KNOP1: variants seen among roughly 807,000 people sequenced by gnomAD.
KNOP1 encodes lysine rich nucleolar protein 1, also known as lysine-rich nucleolar protein 1.
KNOP1 carries 20 observed loss-of-function variants against 30.6 expected under a neutral mutation model. The ratio of observed to expected loss-of-function variants is 0.65; its 90% confidence interval spans 0.46 to 0.95. The LOEUF (loss-of-function observed/expected upper bound fraction) is 0.95, where lower values mean the gene tolerates loss of function less well. KNOP1 is among the 40% of genes least tolerant of loss of function. KNOP1 has a pLI of 0.00. For synonymous variants in KNOP1, 204 were observed against 210.0 expected (o/e 0.97, Z 0.25); for missense variants, 540 against 562.0 (o/e 0.96, Z 0.40).
At chr16:19,713,980 G>A in intron 2 of KNOP1, 138 bp downstream of exon 2, 1 of 793,828 alleles carries the variant, frequency 1.3e-6, no homozygotes, top group Non-Finnish European at 2.0e-6. Flanking sequence ...TATTCTGGCT[G>A]AAATTAATTT....
At chr16:19,708,734 C>T (rs564697968) in intron 4 of KNOP1, among the ~76,000 whole-genome samples, 8 of 152,314 alleles carry the variant, frequency 5.3e-5, no homozygotes, top group African/African-American at 1.7e-4. Flanking sequence ...CTGAGTGAAC[C>T]GGTGACACAT....
At chr16:19,711,132 G>A (rs750507754) in intron 3 of KNOP1, among the ~76,000 whole-genome samples, 2 of 152,278 alleles carry the variant, frequency 1.3e-5, no homozygotes, top group Non-Finnish European at 2.9e-5. Flanking sequence ...GCAAGTAACA[G>A]GGAATGGCCA....
At chr16:19,713,529 C>T (rs1012657577) in intron 2 of KNOP1, among the ~76,000 whole-genome samples, 1 of 152,110 alleles carries the variant, frequency 6.6e-6, no homozygotes, top group Admixed American at 6.6e-5. Context: ...GGGATGAAAG[C>T]CTAGAGCTGC....
chr16:19,704,801 C>T lies in KNOP1; in HGVS notation c.*2109G>A, dbSNP rs569705325. The T allele has an allele frequency of 2.3e-5, 4 of 171,030 alleles. No individual in the cohort carries two copies. In the East Asian group the frequency reaches 6.9e-4, roughly 30 times the overall value. The allele number at this position is 171,030 out of a possible 1,614,324, so 10.6% of individuals were successfully genotyped here. ...AGGAAAGAAAGGCAGGACAAGTTCA[C>T]GTCCTGAGGGAAGTGGCCCAAGTAG... On this transcript the variant is annotated 3_prime_UTR_variant, in exon 5 of 5. Coordinates refer to ENST00000219837, the MANE Select transcript of KNOP1 (RefSeq NM_001012991.3).
At position 19,705,540 on chromosome 16, in the gene KNOP1, T is replaced by C. The variant is rs536643744; in HGVS notation, c.*1370A>G. On this transcript the variant is annotated 3_prime_UTR_variant, in exon 5 of 5. Transcript: ENST00000219837. ...ACGTTCATCTCCTCCTGGCATTCAA[T>C]ATCCACCTACAGAAGTCACCTGGGA... The C allele has an allele frequency of 3.6e-6, 1 of 280,168 alleles. No homozygotes were observed. Among genetic ancestry groups the C allele is most frequent in the Non-Finnish European group, 7.0e-6 (1 of 142,128 alleles). The allele number at this position is 280,168 out of a possible 1,614,324, so 17.4% of individuals were successfully genotyped here. A position where few individuals can be genotyped will look rare whatever the true frequency, so the allele number is the denominator to read the frequency against.
At chr16:19,707,545 TTCC>T (rs1008026472) in intron 4 of KNOP1, among the ~76,000 whole-genome samples, 1 of 151,638 alleles carries the variant, frequency 6.6e-6, no homozygotes, top group African/African-American at 2.4e-5. Context: ...CCTTTCTGCC[TTCC>T]TCCTCCTTTC....
At chr16:19,717,598 C>T (rs993901453) in intron 1 of KNOP1, 4 of 985,558 alleles carry the variant, frequency 4.1e-6, no homozygotes, top group Non-Finnish European at 4.8e-6. Context: ...GCCCTGCGAC[C>T]AAATGCATTC....
rs1016971 is a variant in KNOP1, at chr16:19,707,403, T to A, written c.1066-182A>T. ...CTAAAGACAGCCCTATGAGAAACAC[T>A]GTTGTTATTCCCATTGCACAGAGGA... On this transcript the variant is annotated intron_variant, in intron 4 of 4. Coordinates refer to ENST00000219837, the MANE Select transcript of KNOP1 (RefSeq NM_001012991.3). 0.2 allele frequency among the ~76,000 whole-genome samples: 30,281 copies of A among 151,870 alleles called. 3,321 individuals carry two copies. The highest frequency in any genetic ancestry group is 0.27 in the South Asian group (1,278 of 4,814).
intron 2 of KNOP1, among the ~76,000 whole-genome samples, chr16:19,712,304 G>A (rs1976761396): frequency 6.6e-6 from 1 of 152,256 alleles, no homozygotes; most frequent in East Asian, 1.9e-4. Context: ...GCTAACACCT[G>A]GAGGCCTTTG....
At chr16:19,714,038 TGCACA>T in intron 2 of KNOP1, 75 bp downstream of exon 2, 1 of 1,253,350 alleles carries the variant, frequency 8.0e-7, no homozygotes, top group Non-Finnish European at 1.1e-6. Flanking sequence ...TGTACAAACA[TGCACA>T]CACGCCTACA....
At position 19,711,434 on chromosome 16, in the gene KNOP1, C is replaced by G; in HGVS notation, c.925G>C (p.Asp309His). Residue 309 changes from aspartate to histidine, a missense_variant, in exon 3 of 5, where the codon GAC becomes CAC. Transcript: ENST00000219837. ...TCCAACACCACCTCTAAGTCCGTGT[C>G]TGTTTCCTGCAGGAGAGGGCAGAGC... ...VAGDPWKEETDTDLEVVLEKK... is the reference protein window; with the variant it reads ...VAGDPWKEETHTDLEVVLEKK... 1 of 1,614,156 alleles carries G rather than the reference C, an allele frequency of 6.2e-7. No homozygotes were observed. Among genetic ancestry groups the G allele is most frequent in the South Asian group, 1.1e-5 (1 of 91,074 alleles).
At chr16:19,715,397 C>T (rs947870713) in intron 1 of KNOP1, 6 of 178,476 alleles carry the variant, frequency 3.4e-5, no homozygotes, top group Non-Finnish European at 5.8e-5. Context: ...ACTGTTAATT[C>T]CCTTTTTCTT....
rs989477641 is a variant in KNOP1 at position 19,718,173 on chromosome 16, C to T, written c.-18G>A. 2.2e-4 allele frequency: 325 copies of T among 1,480,290 alleles called. 1 individual carries two copies. In the African/African-American group the frequency reaches 4.2e-3, roughly 19 times the overall value. The allele number at this position is 1,480,290 out of a possible 1,614,324, so 91.7% of individuals were successfully genotyped here. Reference sequence around the variant, plus strand: ...TGGCACTCACCGGTGGGCGAAATTTCCCCGCCTCCACGTGAGAGCCAGCTC... The same window carrying T: ...TGGCACTCACCGGTGGGCGAAATTTTCCCGCCTCCACGTGAGAGCCAGCTC... On this transcript the variant is annotated 5_prime_UTR_variant, in exon 1 of 5. Transcript: ENST00000219837.
chr16:19,712,343 C>A (rs755792023), intron 2 of KNOP1, among the ~76,000 whole-genome samples: 3 of 152,206 alleles, frequency 2.0e-5, no homozygotes, highest in Non-Finnish European at 4.4e-5. Flanking sequence ...CACTCCCCTC[C>A]CCCTCTAACC....
rs1450697467 is a variant in KNOP1, at chr16:19,706,864, TAATC to T, written c.*42_*45del. 1.9e-6 allele frequency: 3 copies of T among 1,580,430 alleles called. No homozygotes were observed. The highest frequency in any genetic ancestry group is 1.2e-5 in the South Asian group (1 of 86,628). On this transcript the variant is annotated 3_prime_UTR_variant, in exon 5 of 5. Transcript: ENST00000219837. ...TTTGTAATCTCCAGCATAAATGGAATAATCAAAGCAATTGTGGCAGTTTTGGGGG... is the reference window on the plus strand; with the variant it reads ...TTTGTAATCTCCAGCATAAATGGAATAAAGCAATTGTGGCAGTTTTGGGGG...
intron 1 of KNOP1, chr16:19,717,727 G>C: frequency 1.0e-6 from 1 of 987,022 alleles, no homozygotes; most frequent in Non-Finnish European, 1.2e-6. Flanking sequence ...GTGAATACCC[G>C]ACCTCGCAAG....
chr16:19,710,663 G>T, intron 3 of KNOP1, 77 bp from the exon 4 acceptor site: 2 of 1,232,372 alleles, frequency 1.6e-6, no homozygotes, highest in Non-Finnish European at 2.4e-6. Flanking sequence ...ACAGAGACGG[G>T]GCTGGGGGAA....
In KNOP1 at chr16:19,706,878, G is replaced by T. The variant is rs769628561; in HGVS notation, c.*32C>A. On this transcript the variant is annotated 3_prime_UTR_variant, in exon 5 of 5. Coordinates refer to ENST00000219837, the MANE Select transcript of KNOP1 (RefSeq NM_001012991.3). ...CATAAATGGAATAATCAAAGCAATT[G>T]TGGCAGTTTTGGGGGGACAAAACTC... The T allele has an allele frequency of 5.6e-6, 9 of 1,594,888 alleles. No homozygotes were observed. Among genetic ancestry groups the T allele is most frequent in the Non-Finnish European group, 6.8e-6 (8 of 1,173,934 alleles).
At position 19,703,493 on chromosome 16, in the gene KNOP1, C is replaced by T. The variant is rs1336532967; in HGVS notation, c.*3417G>A. The stretch of plus-strand genomic sequence containing the variant: ...TCGTAACCTAACAAATACACAGGTT[C>T]TGAGGAGATGTGGTAGGAAGGGGTG... On this transcript the variant is annotated 3_prime_UTR_variant, in exon 5 of 5. Transcript: ENST00000219837. 2 of 151,856 alleles carry T rather than the reference C, an allele frequency of 1.3e-5. No homozygotes were observed. The highest frequency in any genetic ancestry group is 4.8e-5 in the African/African-American group (2 of 41,318). The allele number at this position is 151,856 out of a possible 1,614,324, so 9.4% of individuals were successfully genotyped here.
Sources: gnomAD v4.1 joint callset for allele counts (sites outside exome capture counted in the v4.1 genomes callset) on GRCh38, gnomAD v4.1.1 for gene constraint, MANE v1.5 for transcripts, NCBI Gene and HGNC (gene_info 2026-07-23, HGNC 2026-07-21) for gene names.